CDHR2: variants seen among roughly 807,000 people sequenced by gnomAD.
CDHR2 encodes cadherin related family member 2, also known as cadherin-related family member 2.
A neutral mutation model predicts 138.6 loss-of-function variants in CDHR2; 104 were observed. That is an observed-to-expected ratio of 0.75 (90% CI 0.64 to 0.88). The LOEUF (loss-of-function observed/expected upper bound fraction) is 0.88. CDHR2 is among the 40% of genes least tolerant of loss of function. The probability of loss-of-function intolerance (pLI) is 0.00; values close to 1 mark genes in which losing one functional copy is unlikely to be tolerated. For missense variants in CDHR2, 1,624 were observed against 1,727.6 expected, an observed-to-expected ratio of 0.94 and a Z score of 1.06; for synonymous variants, 755 against 742.8, an observed-to-expected ratio of 1.02 and a Z score of -0.27.
At chr5:176,593,290 A>G (rs1057435527) in intron 31 of CDHR2, among the ~76,000 whole-genome samples, 1 of 152,234 alleles carries the variant, frequency 6.6e-6, no homozygotes, top group African/African-American at 2.4e-5. Flanking sequence ...CCTGCTGCGT[A>G]AAAGCACCTG....
intron 1 of CDHR2, among the ~76,000 whole-genome samples, chr5:176,562,219 A>G (rs562465635): frequency 1.3e-4 from 20 of 152,120 alleles, no homozygotes; most frequent in African/African-American, 4.6e-4. Context: ...GTGCAGAAGG[A>G]CTAGTTTGGT....
At chr5:176,558,387 T>TC (rs1187790742) in intron 1 of CDHR2, among the ~76,000 whole-genome samples, 2 of 150,538 alleles carry the variant, frequency 1.3e-5, no homozygotes, top group African/African-American at 4.9e-5. Flanking sequence ...AGCTAATTTT[T>TC]TTTTTTTTTT....
At chr5:176,586,495 C>A (rs1027692399) in intron 20 of CDHR2, among the ~76,000 whole-genome samples, 2 of 152,168 alleles carry the variant, frequency 1.3e-5, no homozygotes, top group African/African-American at 4.8e-5. Context: ...CATGCCCAGC[C>A]AACACTGGAG....
At chr5:176,592,122 G>A (rs1758880007) in intron 30 of CDHR2, among the ~76,000 whole-genome samples, 1 of 141,192 alleles carries the variant, frequency 7.1e-6, no homozygotes, top group South Asian at 2.4e-4. Context: ...TGATGGTAGT[G>A]ATGGTGATGG....
At chr5:176,568,631 C>T (rs1348079823) in intron 3 of CDHR2, 47 bp from the exon 4 acceptor site, 1 of 1,604,678 alleles carries the variant, frequency 6.2e-7, no homozygotes, top group Non-Finnish European at 8.5e-7. Context: ...CAGACCAGCA[C>T]TGAAAGGGTG....
intron 31 of CDHR2, among the ~76,000 whole-genome samples, chr5:176,595,224 G>C (rs559816836): frequency 6.6e-6 from 1 of 152,134 alleles, no homozygotes; most frequent in South Asian, 2.1e-4. Flanking sequence ...CTGGCTCCTC[G>C]GCACAGGACA....
chr5:176,592,578 T>C (rs1039181239), intron 30 of CDHR2, 145 bp from the exon 31 acceptor site: 16 of 686,036 alleles, frequency 2.3e-5, no homozygotes, highest in Admixed American at 1.2e-4. Flanking sequence ...GTGATGATGG[T>C]AGTTGTGATG....
chr5:176,566,885 A>G (rs1239029488), intron 3 of CDHR2: 2 of 454,732 alleles, frequency 4.4e-6, no homozygotes, highest in Admixed American at 4.7e-5. Context: ...CTGGGGCTCC[A>G]TTGTTCTCAG....
chr5:176,564,921 G>A (rs1204495038), intron 1 of CDHR2, among the ~76,000 whole-genome samples: 1 of 152,130 alleles, frequency 6.6e-6, no homozygotes, highest in East Asian at 1.9e-4. Flanking sequence ...AGGTATAGAT[G>A]GTGCAGTGGT....
intron 19 of CDHR2, 80 bp downstream of exon 19, chr5:176,585,095 A>C (rs1449691512): frequency 1.3e-5 from 19 of 1,437,954 alleles, no homozygotes; most frequent in Non-Finnish European, 1.6e-5. Flanking sequence ...GGAACTCACA[A>C]GGTCTGGGCT....
At position 176,588,212 on chromosome 5, in the gene CDHR2, GTGTC is replaced by G. The variant is rs570616740; in HGVS notation, c.2857-817_2857-814del. Among the ~76,000 whole-genome samples the G allele has an allele frequency of 6.3e-4, 96 of 152,286 alleles. 1 individual carries two copies. The South Asian group carries it at 0.012, about 19-fold the overall frequency. On this transcript the variant is annotated intron_variant, in intron 21 of 31. Coordinates refer to ENST00000261944, the MANE Select transcript of CDHR2 (RefSeq NM_017675.6). ...TGTGTGTGTGCACGCCAGTGTGTGT[GTGTC>G]TAAGTGTGAATGTGTGTGCCTGAGG...
chr5:176,578,319 T>A (rs1488005406), intron 15 of CDHR2, 46 bp from the exon 16 acceptor site: 1 of 1,553,000 alleles, frequency 6.4e-7, no homozygotes. Flanking sequence ...CACACTGAAA[T>A]GGGCATCCTG....
At chr5:176,548,760 TA>T (rs370822670), upstream of CDHR2, among the ~76,000 whole-genome samples, 33 of 146,544 alleles carry the variant, frequency 2.3e-4, no homozygotes, top group African/African-American at 5.3e-4. Context: ...AATAAATAAT[TA>T]AAAAAAAAAG....
In CDHR2 at chr5:176,578,018, T is replaced by C. The variant is rs763212834; in HGVS notation, c.1513-16T>C. 1.2e-5 allele frequency: 19 copies of C among 1,606,384 alleles called. No homozygotes were observed. Among genetic ancestry groups the C allele is most frequent in the African/African-American group, 2.7e-5 (2 of 74,786 alleles). On this transcript the variant is annotated splice_polypyrimidine_tract_variant and intron_variant, in intron 14 of 31. Transcript: ENST00000261944. ...ATCGCCTCCACACAGCACCCTGCCA[T>C]GTCTCTGCCTCACAGGCCACGGACC...
At chr5:176,572,986 A>G (rs1308342466) in intron 6 of CDHR2, among the ~76,000 whole-genome samples, 1 of 152,234 alleles carries the variant, frequency 6.6e-6, no homozygotes, top group Non-Finnish European at 1.5e-5. Context: ...AAGTCAAGGA[A>G]GTGACTGCAG....
intron 1 of CDHR2, among the ~76,000 whole-genome samples, chr5:176,559,805 C>A (rs944199960): frequency 6.6e-6 from 1 of 152,174 alleles, no homozygotes; most frequent in Non-Finnish European, 1.5e-5. Flanking sequence ...GCCCCTCCCC[C>A]ATCAGGAGAC....
intron 1 of CDHR2, among the ~76,000 whole-genome samples, chr5:176,560,258 G>T (rs1006497305): frequency 1.3e-5 from 2 of 152,046 alleles, no homozygotes; most frequent in East Asian, 1.9e-4. Context: ...TTAGCCAGGC[G>T]TGGTGGCGCA....
rs542422856 is a variant in CDHR2 at position 176,554,875 on chromosome 5, A to G, written c.-16+5461A>G. Among the ~76,000 whole-genome samples, 24 of 152,276 alleles carry G rather than the reference A, an allele frequency of 1.6e-4. No individual in the cohort carries two copies. In the Middle Eastern group the frequency reaches 0.017, roughly 108 times the overall value. On this transcript the variant is annotated intron_variant, in intron 1 of 31. Transcript: ENST00000261944. ...CACCATGTTGGCCAAGCTGGTCTTG[A>G]ACTCCTGACCTCAAGTGATCTGCCC...
In CDHR2 at chr5:176,543,119, T is replaced by C. The variant is rs1757493903; in HGVS notation, c.-16+350T>C. Among the ~76,000 whole-genome samples the C allele has an allele frequency of 6.6e-6, 1 of 150,628 alleles. No individual in the cohort carries two copies. Among genetic ancestry groups the C allele is most frequent in the Non-Finnish European group, 1.5e-5 (1 of 67,422 alleles). On this transcript the variant is annotated intron_variant, in intron 1 of 31. Transcript: ENST00000510636. This position sits in a 1 kb window ranked among gnomAD's most constrained non-coding sequence, Gnocchi z 4.0. ...CGCTGCCGGGCCCGGGACTGCGAGC[T>C]CCCGCCGTGCGGGCGCCGGCAGAGG...
Sources: allele counts gnomAD v4.1 joint callset (sites outside exome capture counted in the v4.1 genomes callset), GRCh38; gene constraint gnomAD v4.1.1; non-coding constraint Gnocchi (gnomAD v3.1); transcripts MANE v1.5; gene names NCBI Gene and HGNC (gene_info 2026-07-23, HGNC 2026-07-21).